MACROD2: variants seen among roughly 807,000 people sequenced by gnomAD.
MACROD2 encodes mono-ADP ribosylhydrolase 2, also known as ADP-ribose glycohydrolase MACROD2.
In MACROD2, 36 loss-of-function variants were observed where a neutral mutation model predicts 70.4. The ratio of observed to expected loss-of-function variants is 0.51; its 90% CI spans 0.39 to 0.68. MACROD2 has a LOEUF of 0.68. Among genes scored for constraint, MACROD2 ranks in the 30% least tolerant of loss-of-function variants. The pLI is 0.00. For synonymous variants in MACROD2, 172 were observed against 178.8 expected (o/e 0.96, Z 0.30); for missense variants, 496 against 538.4 (o/e 0.92, Z 0.78).
intron 5 of MACROD2, among the ~76,000 whole-genome samples, chr20:15,215,313 G>A (rs183343333): frequency 4.8e-5 from 7 of 144,986 alleles, no homozygotes; most frequent in Admixed American, 6.9e-5. Flanking sequence ...CAACCAGGAA[G>A]CATATGCTTT....
At chr20:14,820,095 G>A (rs1421665623) in intron 5 of MACROD2, among the ~76,000 whole-genome samples, 1 of 152,074 alleles carries the variant, frequency 6.6e-6, no homozygotes, top group African/African-American at 2.4e-5. Context: ...TGAGGACTTA[G>A]GAAGAGAAGA....
intron 5 of MACROD2, among the ~76,000 whole-genome samples, chr20:15,217,668 C>A (rs1209184521): frequency 6.6e-6 from 1 of 152,116 alleles, no homozygotes; most frequent in East Asian, 1.9e-4. Context: ...TCATCTCAAC[C>A]ACAACCCCAT....
At chr20:15,817,341 C>T (rs1404166929) in intron 8 of MACROD2, among the ~76,000 whole-genome samples, 2 of 152,208 alleles carry the variant, frequency 1.3e-5, no homozygotes, top group East Asian at 3.8e-4. Flanking sequence ...TGATACAGCA[C>T]TGTTGTTAGA....
chr20:14,001,050 A>G (rs944256664), intron 1 of MACROD2, among the ~76,000 whole-genome samples: 2 of 152,188 alleles, frequency 1.3e-5, no homozygotes, highest in Non-Finnish European at 2.9e-5. Flanking sequence ...AGCAGCATAC[A>G]TATTACCTTT....
chr20:14,471,137 C>T (rs1253782473), intron 3 of MACROD2, among the ~76,000 whole-genome samples: 2 of 152,178 alleles, frequency 1.3e-5, no homozygotes, highest in Non-Finnish European at 2.9e-5. Context: ...CACTGTCCCT[C>T]AGGGCACAAT....
intron 14 of MACROD2, 111 bp downstream of exon 14, chr20:15,986,912 T>G (rs2066492297): frequency 9.8e-7 from 1 of 1,021,744 alleles, no homozygotes; most frequent in Non-Finnish European, 1.5e-6. Context: ...TAGGCAATGA[T>G]TACTGGAGGA....
At chr20:14,169,097 C>A (rs1464848844) in intron 3 of MACROD2, among the ~76,000 whole-genome samples, 2 of 152,078 alleles carry the variant, frequency 1.3e-5, no homozygotes, top group African/African-American at 4.8e-5. Context: ...GGATTAAGAA[C>A]AAAAATCCCT....
chr20:15,688,849 G>A (rs968386739), intron 8 of MACROD2, among the ~76,000 whole-genome samples: 3 of 152,182 alleles, frequency 2.0e-5, no homozygotes, highest in African/African-American at 7.2e-5. Context: ...TATGAAAAAC[G>A]TAAGGTGAAA....
chr20:14,625,468 C>T (rs757690630), intron 4 of MACROD2, among the ~76,000 whole-genome samples: 13 of 151,898 alleles, frequency 8.6e-5, no homozygotes, highest in Non-Finnish European at 1.2e-4. Flanking sequence ...CAATCACCAC[C>T]GAAAAAGCTC....
At chr20:15,432,815 G>C (rs2046379542) in intron 7 of MACROD2, among the ~76,000 whole-genome samples, 1 of 151,928 alleles carries the variant, frequency 6.6e-6, no homozygotes, top group Non-Finnish European at 1.5e-5. Flanking sequence ...TTACTTCTGA[G>C]AATCTTATGG....
chr20:15,138,814 A>C (rs539528172), intron 5 of MACROD2, among the ~76,000 whole-genome samples: 1 of 152,318 alleles, frequency 6.6e-6, no homozygotes, highest in East Asian at 1.9e-4. Flanking sequence ...ATTTCTTAAT[A>C]GAAAAAAGCT....
chr20:15,327,922 T>C lies in MACROD2; in HGVS notation c.540+97861T>C, dbSNP rs75628589. ...GGTCTAGGTACTTGACACATATCAGTTAATGAAACAGAATTATCACTATCC... is the reference window on the plus strand; with the variant it reads ...GGTCTAGGTACTTGACACATATCAGCTAATGAAACAGAATTATCACTATCC... On this transcript the variant is annotated intron_variant, in intron 6 of 17. Transcript: ENST00000684519. Among the ~76,000 whole-genome samples the C allele has an allele frequency of 4.0e-3, 616 of 152,210 alleles. 7 individuals carry two copies. Among genetic ancestry groups the C allele is most frequent in the African/African-American group, 0.014 (592 of 41,558 alleles).
At chr20:15,613,061 A>G (rs76581633) in intron 8 of MACROD2, among the ~76,000 whole-genome samples, 2,682 of 152,322 alleles carry the variant, frequency 0.018, 73 homozygotes, top group African/African-American at 0.055. Flanking sequence ...CTGCATCTCT[A>G]GACCTCTATC....
intron 8 of MACROD2, among the ~76,000 whole-genome samples, chr20:15,781,823 A>G (rs970556791): frequency 6.6e-6 from 1 of 152,134 alleles, no homozygotes; most frequent in Non-Finnish European, 1.5e-5. Context: ...GAAGGTAAAA[A>G]TCCTGGTGGA....
intron 3 of MACROD2, among the ~76,000 whole-genome samples, chr20:14,278,171 A>C (rs1035578832): frequency 6.6e-6 from 1 of 152,248 alleles, no homozygotes. Flanking sequence ...TTTACTTTTA[A>C]ATCTCAGAGT....
At chr20:15,837,889 A>G (rs920986180) in intron 8 of MACROD2, among the ~76,000 whole-genome samples, 1 of 152,128 alleles carries the variant, frequency 6.6e-6, no homozygotes, top group Non-Finnish European at 1.5e-5. Flanking sequence ...CTCTTAGCCC[A>G]TCATCAACTG....
chr20:15,401,892 G>C (rs1042071144), intron 6 of MACROD2, among the ~76,000 whole-genome samples: 3 of 152,166 alleles, frequency 2.0e-5, no homozygotes, highest in Non-Finnish European at 4.4e-5. Context: ...CAACAACTGA[G>C]GCTGGGCATT....
intron 6 of MACROD2, among the ~76,000 whole-genome samples, chr20:15,241,087 G>A (rs175307): frequency 0.28 from 42,578 of 151,958 alleles, 6,205 homozygotes; most frequent in African/African-American, 0.34. Context: ...GAAATTTTCC[G>A]TAACAAAGCA....
chr20:15,860,506 G>T (rs1035005288), intron 8 of MACROD2, among the ~76,000 whole-genome samples: 1 of 152,108 alleles, frequency 6.6e-6, no homozygotes, highest in African/African-American at 2.4e-5. Context: ...GTTCAATGTG[G>T]CTTGAGAGTC....
Sources: gnomAD v4.1 joint callset for allele counts (sites outside exome capture counted in the v4.1 genomes callset) on GRCh38, gnomAD v4.1.1 for gene constraint, MANE v1.5 for transcripts, NCBI Gene and HGNC (gene_info 2026-07-23, HGNC 2026-07-21) for gene names.